The following NRAP variants were observed in gnomAD, a reference collection of about 807,000 sequenced individuals.
NRAP encodes the protein nebulin related anchoring protein, also known as nebulin-related-anchoring protein.
NRAP carries 189 observed loss-of-function variants against 225.9 expected under a neutral mutation model. The ratio of observed to expected loss-of-function variants is 0.84; its 90% confidence interval spans 0.74 to 0.94. The LOEUF (loss-of-function observed/expected upper bound fraction) is 0.94. Among genes scored for constraint, NRAP ranks in the 40% least tolerant of loss-of-function variants. The pLI is 0.00. For synonymous variants in NRAP, 769 were observed against 790.7 expected, an observed-to-expected ratio of 0.97 and a Z score of 0.46; for missense variants, 2,176 against 2,168.7, an observed-to-expected ratio of 1.00 and a Z score of -0.07.
rs543627940 is a variant in NRAP, at chr10:113,607,399, C to CAAAAAAAAAAAAAA, written c.3702+1001_3702+1014dup. The stretch of plus-strand genomic sequence containing the variant: ...CCTGGGTGAAAGAGCGAAACTCCGT[C>CAAAAAAAAAAAAAA]AAAAAAAAAAAAAAAAAAAAAAAAA... On this transcript the variant is annotated intron_variant, in intron 32 of 41. Transcript: ENST00000359988. Among the ~76,000 whole-genome samples the CAAAAAAAAAAAAAA allele has an allele frequency of 1.8e-3, 126 of 68,592 alleles. 1 individual carries two copies. The highest frequency in any genetic ancestry group is 2.6e-3 in the Non-Finnish European group (91 of 35,358). The allele number at this position is 68,592 out of a possible 152,430, so 45.0% of individuals were successfully genotyped here. A position where few individuals can be genotyped will look rare whatever the true frequency, so the allele number is the denominator to read the frequency against.
chr10:113,631,185 T>C (rs1848554387), intron 18 of NRAP, among the ~76,000 whole-genome samples: 1 of 152,236 alleles, frequency 6.6e-6, no homozygotes, highest in African/African-American at 2.4e-5. Context: ...TTCATTCTTA[T>C]AGCCCCAGGG....
intron 20 of NRAP, among the ~76,000 whole-genome samples, chr10:113,628,209 A>T (rs1377777064): frequency 2.0e-5 from 3 of 152,062 alleles, no homozygotes; most frequent in Admixed American, 6.6e-5. Context: ...TCTTTCTGAG[A>T]CAGAGTATCG....
At chr10:113,618,840 A>G (rs1847819090) in intron 25 of NRAP, among the ~76,000 whole-genome samples, 1 of 152,152 alleles carries the variant, frequency 6.6e-6, no homozygotes, top group African/African-American at 2.4e-5. Flanking sequence ...CAGCTACTCA[A>G]GAGGCTGAGG....
chr10:113,593,840 G>A (rs966377601), intron 38 of NRAP, among the ~76,000 whole-genome samples: 3 of 152,226 alleles, frequency 2.0e-5, no homozygotes, highest in African/African-American at 7.2e-5. Context: ...CACCAAACTT[G>A]ATGCAACATC....
chr10:113,654,898 AG>A (rs1302602285), intron 4 of NRAP, among the ~76,000 whole-genome samples: 3 of 151,766 alleles, frequency 2.0e-5, no homozygotes, highest in Admixed American at 1.3e-4. Flanking sequence ...AATAAATTCC[AG>A]GAATGTAGGC....
chr10:113,600,687 T>C (rs1202863018), intron 35 of NRAP, among the ~76,000 whole-genome samples: 1 of 152,186 alleles, frequency 6.6e-6, no homozygotes. Flanking sequence ...GCTAGAAGCC[T>C]CACTGTGCCT....
At chr10:113,649,920 A>T in intron 9 of NRAP, 117 bp downstream of exon 9, 1 of 644,636 alleles carries the variant, frequency 1.6e-6, no homozygotes, top group Non-Finnish European at 2.8e-6. Flanking sequence ...TACCTTTCAT[A>T]AAAAAGGTAA....
intron 32 of NRAP, among the ~76,000 whole-genome samples, chr10:113,607,036 C>T (rs1468229918): frequency 6.6e-6 from 1 of 152,016 alleles, no homozygotes; most frequent in African/African-American, 2.4e-5. Flanking sequence ...AACCCCATCT[C>T]TACTAAAATA....
rs568198856 is a variant in NRAP at position 113,646,773 on chromosome 10, G to C, written c.993+150C>G. On this transcript the variant is annotated intron_variant, in intron 10 of 41. Transcript: ENST00000359988. The stretch of plus-strand genomic sequence containing the variant: ...AAGCAGACAAATGGGGCCAAAGCAG[G>C]CATCATAAATTTGGATGGGAGTTGA... 59 of 651,416 alleles carry C rather than the reference G, an allele frequency of 9.1e-5. No homozygotes were observed. The East Asian group carries it at 9.9e-4, about 11-fold the overall frequency. The allele number at this position is 651,416 out of a possible 1,614,324, so 40.4% of individuals were successfully genotyped here. A position where few individuals can be genotyped will look rare whatever the true frequency, so the allele number is the denominator to read the frequency against.
intron 32 of NRAP, 29 bp downstream of exon 32, chr10:113,608,385 A>T: frequency 7.1e-7 from 1 of 1,402,506 alleles, no homozygotes; most frequent in Non-Finnish European, 1.0e-6. Context: ...TTTTAAAAAG[A>T]CCATTCCAAA....
At position 113,653,357 on chromosome 10, in the gene NRAP, T is replaced by C. The variant is rs540241778; in HGVS notation, c.466-318A>G. Among the ~76,000 whole-genome samples the C allele has an allele frequency of 5.0e-3, 755 of 152,330 alleles. 7 individuals carry two copies. The highest frequency in any genetic ancestry group is 5.1e-3 in the Non-Finnish European group (347 of 68,030). ...CTATTAATTAATACATGGGTGACTT[T>C]CCTGTAACTCGTCTGCTAGCAAGAG... On this transcript the variant is annotated intron_variant, in intron 5 of 41. Transcript: ENST00000359988.
chr10:113,590,629 C>A lies in NRAP; in HGVS notation c.4905G>T (p.Pro1635=). 6.2e-7 allele frequency: 1 copy of A among 1,613,786 alleles called. No individual in the cohort carries two copies. Among genetic ancestry groups the A allele is most frequent in the African/African-American group, 1.3e-5 (1 of 75,002 alleles). Residue 1635 remains proline, a synonymous_variant, in exon 40 of 42, where the codon CCG becomes CCT. Coordinates refer to ENST00000359988, the MANE Select transcript of NRAP (RefSeq NM_198060.4). ...RQPLPQPTCD[P]EQLGLRHAQK... ...GAGCATGCCTGAGGCCCAGCTGCTC[C>A]GGGTCGCAGGTGGGCTGGGGCAGGG...
intron 12 of NRAP, among the ~76,000 whole-genome samples, chr10:113,642,316 G>A (rs2000276): frequency 0.55 from 84,211 of 151,886 alleles, 24,582 homozygotes; most frequent in East Asian, 0.73. Context: ...TGGCTCTTAA[G>A]CCACTACATT....
At chr10:113,593,061 T>G (rs1411780370) in intron 38 of NRAP, among the ~76,000 whole-genome samples, 2 of 152,148 alleles carry the variant, frequency 1.3e-5, no homozygotes, top group Non-Finnish European at 2.9e-5. Flanking sequence ...TATTTTTTTT[T>G]CAAGATAAGG....
intron 22 of NRAP, 101 bp downstream of exon 22, chr10:113,624,725 A>G (rs564524038): frequency 2.5e-6 from 2 of 789,888 alleles, no homozygotes; most frequent in Admixed American, 1.9e-5. Context: ...ATGTAACCTC[A>G]GTTGATACAG....
rs1406946729 is a variant in NRAP at position 113,645,915 on chromosome 10, C to T, written c.1020G>A (p.Lys340=). The change falls in exon 11 of 42, where the codon AAG becomes AAA. Residue 340 remains lysine, a synonymous_variant. Coordinates refer to ENST00000359988, the MANE Select transcript of NRAP (RefSeq NM_198060.4). ...SDIKYRQDFN[K]MKGAAHYHSL... ...AGTGATAATGTGCAGCGCCTTTCATCTTATTGAAGTCCTGCCTGTATTTTA... is the reference window on the plus strand; with the variant it reads ...AGTGATAATGTGCAGCGCCTTTCATTTTATTGAAGTCCTGCCTGTATTTTA... 1.3e-6 allele frequency: 2 copies of T among 1,590,130 alleles called. No homozygotes were observed. Among genetic ancestry groups the T allele is most frequent in the African/African-American group, 2.7e-5 (2 of 74,026 alleles).
chr10:113,663,118 A>T (rs1237116527), intron 2 of NRAP, among the ~76,000 whole-genome samples: 1 of 152,208 alleles, frequency 6.6e-6, no homozygotes, highest in African/African-American at 2.4e-5. Context: ...TAATAATTTG[A>T]CATGAGGTTA....
intron 14 of NRAP, among the ~76,000 whole-genome samples, chr10:113,639,692 A>G (rs1159517908): frequency 1.3e-5 from 2 of 152,220 alleles, no homozygotes; most frequent in East Asian, 3.8e-4. Context: ...AAGAAATTTA[A>G]TTGATTGCAC....
intron 29 of NRAP, 26 bp downstream of exon 29, chr10:113,614,157 C>T: frequency 2.0e-6 from 3 of 1,487,502 alleles, no homozygotes; most frequent in Non-Finnish European, 2.8e-6. Context: ...GGCCCTGCAG[C>T]CGCTGATGCC....
Sources: gnomAD v4.1 joint callset for allele counts (sites outside exome capture counted in the v4.1 genomes callset) on GRCh38, gnomAD v4.1.1 for gene constraint, MANE v1.5 for transcripts, NCBI Gene and HGNC (gene_info 2026-07-23, HGNC 2026-07-21) for gene names.